The following ZFAND6 variants were observed in gnomAD, a reference collection of about 807,000 sequenced individuals.
ZFAND6 encodes the protein zinc finger AN1-type containing 6.
Under a neutral mutation model 24.5 loss-of-function variants are expected in ZFAND6, and 12 were observed. The observed-to-expected ratio is 0.49, with a 90% CI of 0.31 to 0.79. The LOEUF is 0.79. Ranked by LOEUF, ZFAND6 falls within the 30% of genes least tolerant of loss-of-function variation. The pLI is 0.04. For missense variants in ZFAND6, 207 were observed against 245.9 expected (o/e 0.84, Z 1.06); for synonymous variants, 92 against 81.5 (o/e 1.13, Z -0.69).
Position 80,106,433 on chromosome 15 carries a change from C to T in ZFAND6, c.-18+7855C>T, listed in dbSNP as rs768609919. 7.9e-5 allele frequency among the ~76,000 whole-genome samples: 12 copies of T among 151,964 alleles called. No individual in the cohort carries two copies. The South Asian group carries it at 1.4e-3, about 18-fold the overall frequency. ...TGTGGCTTCTTTTTTACTGTAAAGG[C>T]GAAATTGAGCAGTTATGACAGACTC... is the stretch of plus-strand genomic sequence containing the variant. On this transcript the variant is annotated intron_variant, in intron 2 of 6. Transcript: ENST00000261749.
chr15:80,124,024 A>AT (rs2040263479), intron 5 of ZFAND6, among the ~76,000 whole-genome samples: 1 of 152,228 alleles, frequency 6.6e-6, no homozygotes, highest in Non-Finnish European at 1.5e-5. Context: ...CAACGTAAAT[A>AT]TTCTAGTCCC....
chr15:80,106,813 C>G (rs1316999539), intron 2 of ZFAND6, among the ~76,000 whole-genome samples: 1 of 152,058 alleles, frequency 6.6e-6, no homozygotes, highest in Non-Finnish European at 1.5e-5. Context: ...ACTTCAGTTT[C>G]CAGTATGTGG....
At chr15:80,124,569 A>G (rs2040293857) in intron 5 of ZFAND6, among the ~76,000 whole-genome samples, 2 of 152,386 alleles carry the variant, frequency 1.3e-5, no homozygotes, top group South Asian at 2.1e-4. Flanking sequence ...AAGTGTTTTT[A>G]TACCATTTAT....
intron 6 of ZFAND6, among the ~76,000 whole-genome samples, chr15:80,134,378 T>C (rs2114714): frequency 0.77 from 116,367 of 151,798 alleles, 44,876 homozygotes; most frequent in Admixed American, 0.85. Flanking sequence ...AAATGCTTGC[T>C]CCCAGAGAAG....
At chr15:80,114,451 A>G (rs150932120) in intron 2 of ZFAND6, among the ~76,000 whole-genome samples, 1 of 152,340 alleles carries the variant, frequency 6.6e-6, no homozygotes, top group African/African-American at 2.4e-5. Context: ...AACCGAAGTA[A>G]TATGATGAGA....
Position 80,060,934 on chromosome 15 carries a change from C to T in ZFAND6, c.-181+1125C>T, listed in dbSNP as rs566296137. On this transcript the variant is annotated intron_variant, in intron 1 of 6. Transcript: ENST00000261749. ...GACTCCGTCTCAAAAAAAAGCCGGG[C>T]AGAATTAATGATTTTGAAGCTCCGA... Among the ~76,000 whole-genome samples the T allele has an allele frequency of 5.9e-5, 9 of 152,218 alleles. No homozygotes were observed. In the South Asian group the frequency reaches 8.3e-4, roughly 14 times the overall value.
intron 1 of ZFAND6, among the ~76,000 whole-genome samples, chr15:80,074,683 C>G (rs1052124904): frequency 3.9e-5 from 6 of 151,924 alleles, no homozygotes; most frequent in African/African-American, 4.8e-5. Flanking sequence ...AAGAACTTAA[C>G]TTTACACACA....
rs568535377 is a variant in ZFAND6 at position 80,137,737 on chromosome 15, C to T, written c.*109C>T. 7.4e-5 allele frequency: 85 copies of T among 1,154,490 alleles called. No homozygotes were observed. Among genetic ancestry groups the T allele is most frequent in the Non-Finnish European group, 9.3e-5 (81 of 869,762 alleles). 71.5% of individuals were successfully genotyped at this position (1,154,490 alleles called of 1,614,324 possible). Reference sequence around the variant, plus strand: ...TAGAGCAGTGTATCTTGCATGTCATCGGAAGAATAGATTTTTGTTTTGGTT... The same window carrying T: ...TAGAGCAGTGTATCTTGCATGTCATTGGAAGAATAGATTTTTGTTTTGGTT... On this transcript the variant is annotated 3_prime_UTR_variant, in exon 7 of 7. Coordinates refer to ENST00000261749, the MANE Select transcript of ZFAND6 (RefSeq NM_019006.4).
chr15:80,096,853 A>G (rs2038752859), intron 1 of ZFAND6, among the ~76,000 whole-genome samples: 1 of 152,188 alleles, frequency 6.6e-6, no homozygotes, highest in Non-Finnish European at 1.5e-5. Flanking sequence ...ATTGAAGTGT[A>G]CATATTTTGC....
chr15:80,061,294 G>C (rs1596161547), intron 1 of ZFAND6, among the ~76,000 whole-genome samples: 1 of 152,134 alleles, frequency 6.6e-6, no homozygotes, highest in African/African-American at 2.4e-5. Context: ...GCATATGTCA[G>C]AACTTACACG....
intron 1 of ZFAND6, among the ~76,000 whole-genome samples, chr15:80,077,638 T>TATAAGC (rs2037359160): frequency 6.6e-6 from 1 of 151,950 alleles, no homozygotes; most frequent in Admixed American, 6.6e-5. Context: ...TAAAGGTAAT[T>TATAAGC]ATAAGCATAG....
At chr15:80,094,795 T>C (rs1473702975) in intron 1 of ZFAND6, among the ~76,000 whole-genome samples, 1 of 152,092 alleles carries the variant, frequency 6.6e-6, no homozygotes, top group Non-Finnish European at 1.5e-5. Flanking sequence ...TTTTTTTCTT[T>C]TGTGTGTGAG....
At chr15:80,059,648 T>C (rs2036211330), upstream of ZFAND6, 1 of 152,126 alleles carries the variant, frequency 6.6e-6, no homozygotes, top group African/African-American at 2.4e-5. Flanking sequence ...GGTCGCGTCA[T>C]AGGCCGAACA....
chr15:80,062,739 C>T (rs1182057177), intron 1 of ZFAND6, among the ~76,000 whole-genome samples: 2 of 152,038 alleles, frequency 1.3e-5, no homozygotes, highest in Admixed American at 1.3e-4. Context: ...ATGGGGTTTT[C>T]CCCCTCAAAC....
At chr15:80,112,952 G>A (rs1307702724) in intron 2 of ZFAND6, 1 of 438,884 alleles carries the variant, frequency 2.3e-6, no homozygotes, top group Non-Finnish European at 4.6e-6. Context: ...ATTGCAAAGA[G>A]AATTCACCCA....
chr15:80,133,175 T>G (rs997192269), intron 6 of ZFAND6, among the ~76,000 whole-genome samples: 6 of 143,990 alleles, frequency 4.2e-5, no homozygotes, highest in Admixed American at 7.3e-5. Flanking sequence ...AAGGATGGTG[T>G]TTTTTTTTGT....
intron 1 of ZFAND6, among the ~76,000 whole-genome samples, chr15:80,081,774 C>T (rs1304457893): frequency 1.3e-5 from 2 of 152,100 alleles, no homozygotes; most frequent in East Asian, 3.9e-4. Context: ...TTGGGCCAAA[C>T]CTAAAATATG....
At chr15:80,130,862 GTATT>G (rs2142050028) in intron 5 of ZFAND6, 1 of 255,398 alleles carries the variant, frequency 3.9e-6, no homozygotes, top group East Asian at 7.4e-5. Flanking sequence ...TATTCAAGTA[GTATT>G]TGTTTATGTG....
At chr15:80,059,506 G>T (rs1490945524), upstream of ZFAND6, 1 of 152,176 alleles carries the variant, frequency 6.6e-6, no homozygotes, top group Admixed American at 6.5e-5. Context: ...ATTGCCGTGC[G>T]CTCCGAGCCT....
Sources: gnomAD v4.1 joint callset for allele counts (sites outside exome capture counted in the v4.1 genomes callset) on GRCh38, gnomAD v4.1.1 for gene constraint, MANE v1.5 for transcripts, NCBI Gene and HGNC (gene_info 2026-07-23, HGNC 2026-07-21) for gene names.